RFX7: variants seen among roughly 807,000 people sequenced by gnomAD.
RFX7 encodes regulatory factor X7, also known as DNA-binding protein RFX7.
RFX7 carries 26 observed loss-of-function variants against 111.8 expected under a neutral mutation model. The ratio of observed to expected loss-of-function variants is 0.23; its 90% confidence interval spans 0.17 to 0.32. RFX7 has a LOEUF of 0.32. RFX7 is among the 10% of genes least tolerant of loss of function. The probability of loss-of-function intolerance (pLI) is 1.00; values close to 1 mark genes in which losing one functional copy is unlikely to be tolerated. For missense variants in RFX7, 1,573 were observed against 1,772.9 expected (o/e 0.89, Z 2.02); for synonymous variants, 624 against 624.4 (o/e 1.00, Z 0.01).
chr15:56,202,518 T>C (rs1156270519), intron 2 of RFX7, among the ~76,000 whole-genome samples: 3 of 152,070 alleles, frequency 2.0e-5, no homozygotes, highest in Admixed American at 1.3e-4. Context: ...TACTTAAAAG[T>C]TTGGGCCAGC....
intron 2 of RFX7, among the ~76,000 whole-genome samples, chr15:56,223,746 A>C (rs2043450539): frequency 6.6e-6 from 1 of 152,176 alleles, no homozygotes; most frequent in Admixed American, 6.5e-5. Flanking sequence ...TATTTGTAAC[A>C]TCTTTCAAGA....
At position 56,184,521 on chromosome 15, in the gene RFX7, A is replaced by G. The variant is rs74017482; in HGVS notation, c.162-5218T>C. On this transcript the variant is annotated intron_variant, in intron 2 of 9. Transcript: ENST00000559447. ...GATATCCTTGTTTTGTTTCCGCATT[A>G]AAGAATTTACTTCTAAACTTTCTGT... is the stretch of plus-strand genomic sequence containing the variant. Among the ~76,000 whole-genome samples, 741 of 152,298 alleles carry G rather than the reference A, an allele frequency of 4.9e-3. 13 individuals are homozygous for G. The highest frequency in any genetic ancestry group is 0.017 in the African/African-American group (720 of 41,568).
At chr15:56,175,272 A>G (rs1352381169) in intron 3 of RFX7, among the ~76,000 whole-genome samples, 2 of 152,222 alleles carry the variant, frequency 1.3e-5, no homozygotes, top group African/African-American at 2.4e-5. Flanking sequence ...GCTGAAAGAT[A>G]TTATAGAAGA....
intron 2 of RFX7, among the ~76,000 whole-genome samples, chr15:56,234,898 G>A (rs1479101708): frequency 2.0e-5 from 3 of 152,034 alleles, no homozygotes; most frequent in African/African-American, 4.8e-5. Context: ...ACTTACCTTA[G>A]GAAAGGCCAG....
At position 56,094,169 on chromosome 15, in the gene RFX7, T is replaced by G; in HGVS notation, c.3559A>C (p.Asn1187His). 1.2e-6 allele frequency: 2 copies of G among 1,613,946 alleles called. No individual in the cohort carries two copies. The highest frequency in any genetic ancestry group is 8.5e-7 in the Non-Finnish European group (1 of 1,179,872). Residue 1187 changes from asparagine (N) to histidine (H), a missense_variant, in exon 10 of 10, where the codon AAT (asparagine) becomes CAT (histidine). This residue lies in a region of RFX7 where 411 missense variants were observed against 478.1 expected (regional missense o/e 0.86). Transcript: ENST00000559447. ...GGGGTCACATTAGATCGTGGGATAT[T>G]AGATACTGGATAGAGGGTGCTTCCA... ...LSGSTLYPVS[N>H]IPRSNVTPFG...
In RFX7 at chr15:56,098,588, C is replaced by A. The variant is rs547547409; in HGVS notation, c.812-212G>T. On this transcript the variant is annotated intron_variant, in intron 8 of 9. Coordinates refer to ENST00000559447, the MANE Select transcript of RFX7 (RefSeq NM_022841.7). ...ATCTTACAATATGGTTCAACTCAGG[C>A]GACAGTTTCAGTTAACAACAGGATT... Among the ~76,000 whole-genome samples the A allele has an allele frequency of 2.2e-4, 33 of 152,298 alleles. No individual in the cohort carries two copies. In the South Asian group the frequency reaches 6.8e-3, roughly 32 times the overall value.
At chr15:56,123,951 T>C (rs2042109717) in intron 5 of RFX7, among the ~76,000 whole-genome samples, 1 of 152,190 alleles carries the variant, frequency 6.6e-6, no homozygotes, top group South Asian at 2.1e-4. Context: ...TTCAAGACTT[T>C]TTTTGTACCT....
rs532821390 is a variant in RFX7 at position 56,148,043 on chromosome 15, C to T, written c.196-3560G>A. On this transcript the variant is annotated intron_variant, in intron 3 of 9. Coordinates refer to ENST00000559447, the MANE Select transcript of RFX7 (RefSeq NM_022841.7). ...AAAACGGTTTCAAATTTAGGCAGAA[C>T]CTCAAATATTATTCAAGTCTTTTGA... 3.9e-5 allele frequency among the ~76,000 whole-genome samples: 6 copies of T among 152,286 alleles called. No homozygotes were observed. The East Asian group carries it at 5.8e-4, about 15-fold the overall frequency.
At chr15:56,121,261 C>T (rs746007259) in intron 5 of RFX7, among the ~76,000 whole-genome samples, 2 of 152,136 alleles carry the variant, frequency 1.3e-5, no homozygotes, top group East Asian at 1.9e-4. Flanking sequence ...GTATACTATT[C>T]TAGGGTAAAA....
At chr15:56,109,583 T>C (rs563476478) in intron 5 of RFX7, among the ~76,000 whole-genome samples, 2 of 141,844 alleles carry the variant, frequency 1.4e-5, no homozygotes, top group South Asian at 4.8e-4. Flanking sequence ...CCAGCCGCCA[T>C]CCCATCTAGG....
chr15:56,212,060 G>A (rs72738672), intron 2 of RFX7, among the ~76,000 whole-genome samples: 7,397 of 152,172 alleles, frequency 0.049, 274 homozygotes, highest in Middle Eastern at 0.092. Context: ...ACTGGTACAC[G>A]TTTTTAGTAG....
intron 2 of RFX7, among the ~76,000 whole-genome samples, chr15:56,242,860 GA>G (rs1555427988): frequency 6.6e-6 from 1 of 152,114 alleles, no homozygotes; most frequent in Non-Finnish European, 1.5e-5. Flanking sequence ...TACAATGAGT[GA>G]AAAAATAAAA....
intron 2 of RFX7, among the ~76,000 whole-genome samples, chr15:56,232,275 C>T (rs1159214194): frequency 6.6e-6 from 1 of 152,222 alleles, no homozygotes; most frequent in African/African-American, 2.4e-5. Flanking sequence ...CTGCAGCAAA[C>T]TTCTGTCTGG....
Position 56,089,396 on chromosome 15 carries a change from TA to T in RFX7, c.*3948del, listed in dbSNP as rs566278442. The T allele has an allele frequency of 2.3e-3, 352 of 152,704 alleles. 2 individuals are homozygous for T. The highest frequency in any genetic ancestry group is 4.0e-3 in the Non-Finnish European group (273 of 68,030). The allele number at this position is 152,704 out of a possible 1,614,324, so 9.5% of individuals were successfully genotyped here. A position where few individuals can be genotyped will look rare whatever the true frequency, so the allele number is the denominator to read the frequency against. On this transcript the variant is annotated 3_prime_UTR_variant, in exon 10 of 10. Transcript: ENST00000559447. ...AAACACAAACAGGATCTGGTGCCTGTAAACAATGAACCATTGAATGAACCCT... is the reference window on the plus strand; with the variant it reads ...AAACACAAACAGGATCTGGTGCCTGTAACAATGAACCATTGAATGAACCCT...
In RFX7 at chr15:56,139,801, A is replaced by T. The variant is rs569693303; in HGVS notation, c.401+2977T>A. ...ATGTACAGATGGGTTTTTGGTGTGG[A>T]TGTCCTTTCTGTTTGTTAGTTTTCC... On this transcript the variant is annotated intron_variant, in intron 5 of 9. Coordinates refer to ENST00000559447, the MANE Select transcript of RFX7 (RefSeq NM_022841.7). Among the ~76,000 whole-genome samples, 267 of 152,110 alleles carry T rather than the reference A, an allele frequency of 1.8e-3. 3 individuals carry two copies. Among genetic ancestry groups the T allele is most frequent in the East Asian group, 5.2e-3 (27 of 5,170 alleles).
At chr15:56,184,279 T>A (rs898979683) in intron 2 of RFX7, among the ~76,000 whole-genome samples, 6 of 145,148 alleles carry the variant, frequency 4.1e-5, no homozygotes, top group Admixed American at 2.8e-4. Context: ...CCTCACATGA[T>A]CCACCTGCCT....
chr15:56,123,275 C>T (rs2042101071), intron 5 of RFX7, among the ~76,000 whole-genome samples: 1 of 152,116 alleles, frequency 6.6e-6, no homozygotes, highest in African/African-American at 2.4e-5. Context: ...CTTTAGTCAG[C>T]AAGTGATGAA....
chr15:56,206,346 A>G (rs1379751180), intron 2 of RFX7, among the ~76,000 whole-genome samples: 1 of 152,236 alleles, frequency 6.6e-6, no homozygotes, highest in Non-Finnish European at 1.5e-5. Context: ...CAGAAAAACA[A>G]TAACAAATGC....
intron 5 of RFX7, among the ~76,000 whole-genome samples, chr15:56,128,689 A>G (rs2042175850): frequency 6.6e-6 from 1 of 152,104 alleles, no homozygotes; most frequent in Non-Finnish European, 1.5e-5. Context: ...TCTATTCAAC[A>G]CTGTACTGAA....
Sources: allele counts gnomAD v4.1 joint callset (sites outside exome capture counted in the v4.1 genomes callset), GRCh38; gene constraint gnomAD v4.1.1; regional missense constraint gnomAD v4.1.1; transcripts MANE v1.5; gene names NCBI Gene and HGNC (gene_info 2026-07-23, HGNC 2026-07-21).